The following ACSM2A variants were observed in gnomAD, a reference collection of about 807,000 sequenced individuals.
ACSM2A encodes the protein acyl-CoA synthetase medium chain family member 2A.
ACSM2A carries 72 observed loss-of-function variants against 76.6 expected under a neutral mutation model. That is an observed-to-expected ratio of 0.94 (90% CI 0.78 to 1.14). The LOEUF (loss-of-function observed/expected upper bound fraction) is 1.14, where lower values mean the gene tolerates loss of function less well. Ranked by LOEUF, ACSM2A falls within the 50% of genes most tolerant of loss-of-function variation. The pLI, the probability that ACSM2A is intolerant of heterozygous loss-of-function variation, is 0.00. For missense variants in ACSM2A, 684 were observed against 708.5 expected, an observed-to-expected ratio of 0.97 and a Z score of 0.39; for synonymous variants, 249 against 255.9, an observed-to-expected ratio of 0.97 and a Z score of 0.26.
chr16:20,469,114 G>A (rs1345036887), intron 3 of ACSM2A, among the ~76,000 whole-genome samples: 1 of 152,144 alleles, frequency 6.6e-6, no homozygotes, highest in Non-Finnish European at 1.5e-5. Context: ...AGCTATTGGT[G>A]TTTCAAGACC....
intron 8 of ACSM2A, 176 bp from the exon 9 acceptor site, chr16:20,477,193 C>G (rs1397701865): frequency 1.7e-6 from 2 of 1,210,964 alleles, no homozygotes; most frequent in East Asian, 5.4e-5. Context: ...TAGCGAAGCC[C>G]CTAGGATTGT....
At chr16:20,469,818 A>T in intron 4 of ACSM2A, 99 bp downstream of exon 4, 3 of 1,528,274 alleles carry the variant, frequency 2.0e-6, no homozygotes, top group Middle Eastern at 1.7e-4. Context: ...CAGAAAGAAC[A>T]GCATGGGACT....
In ACSM2A at chr16:20,475,439, C is replaced by G. The variant is rs1249240582; in HGVS notation, c.972C>G (p.Ser324=). 6.2e-7 allele frequency: 1 copy of G among 1,613,716 alleles called. No individual in the cohort carries two copies. Among genetic ancestry groups the G allele is most frequent in the Non-Finnish European group, 8.5e-7 (1 of 1,179,726 alleles). The stretch of plus-strand genomic sequence containing the variant: ...GGATGTTGCTACAGCAGGATCTTTC[C>G]AGGTGATGGGGCTTTGAGGATTGGT... ...VYRMLLQQDL[S]SYKFPHLQNC... is the part of the protein sequence containing the mutation. Residue 324 remains serine, a splice_region_variant and synonymous_variant, in exon 7 of 14, where the codon TCC becomes TCG. Transcript: ENST00000573854.
intron 1 of ACSM2A, among the ~76,000 whole-genome samples, chr16:20,459,017 C>G (rs1205173477): frequency 6.7e-6 from 1 of 148,602 alleles, no homozygotes; most frequent in Non-Finnish European, 1.5e-5. Flanking sequence ...GGATTGGAGA[C>G]CATCGTTCAA....
intron 1 of ACSM2A, among the ~76,000 whole-genome samples, chr16:20,454,903 A>G (rs1468118669): frequency 6.6e-6 from 1 of 151,622 alleles, no homozygotes; most frequent in East Asian, 1.9e-4. Context: ...ATTTAAGGAA[A>G]AAAAAAAATA....
At chr16:20,479,092 G>T (rs1461622307) in intron 10 of ACSM2A, among the ~76,000 whole-genome samples, 1 of 152,008 alleles carries the variant, frequency 6.6e-6, no homozygotes, top group Non-Finnish European at 1.5e-5. Context: ...CCATCTAGTT[G>T]GAGGAATCCC....
intron 2 of ACSM2A, among the ~76,000 whole-genome samples, chr16:20,462,304 G>A (rs2012670258): frequency 6.6e-6 from 1 of 152,088 alleles, no homozygotes; most frequent in Admixed American, 6.5e-5. Flanking sequence ...TTCTAATGCT[G>A]TGGAATTGCA....
chr16:20,473,244 T>C (rs934369871), intron 6 of ACSM2A, among the ~76,000 whole-genome samples: 1 of 152,144 alleles, frequency 6.6e-6, no homozygotes, highest in Non-Finnish European at 1.5e-5. Flanking sequence ...GAAATTATCT[T>C]CAAATAATAC....
At position 20,486,654 on chromosome 16, in the gene ACSM2A, G is replaced by T. The variant is rs757378811; in HGVS notation, c.1710G>T (p.Met570Ile). Reference protein sequence around the residue: ...RAKLRDKEWKMSGKARAQ With the variant: ...RAKLRDKEWKISGKARAQ ...AGCTTCGAGACAAGGAGTGGAAGAT[G>T]TCCGGAAAAGCCCGTGCGCAGTGAG... The change falls in exon 14 of 14, where the codon ATG becomes ATT. Residue 570 changes from methionine to isoleucine, a missense_variant. This residue lies in a region of ACSM2A where 159 missense variants were observed against 132.5 expected (regional missense o/e 1.20). Transcript: ENST00000573854. The T allele has an allele frequency of 2.5e-6, 4 of 1,614,196 alleles. No individual in the cohort carries two copies. The highest frequency in any genetic ancestry group is 2.5e-6 in the Non-Finnish European group (3 of 1,180,026).
chr16:20,473,569 T>G (rs1203296573), intron 6 of ACSM2A, among the ~76,000 whole-genome samples: 1 of 152,218 alleles, frequency 6.6e-6, no homozygotes, highest in African/African-American at 2.4e-5. Flanking sequence ...ACATTTGTCA[T>G]TTTTTCTAGA....
In ACSM2A at chr16:20,486,699, T is replaced by G. The variant is rs187350070; in HGVS notation, c.*21T>G. 3.1e-6 allele frequency: 5 copies of G among 1,612,960 alleles called. No individual in the cohort carries two copies. Among genetic ancestry groups the G allele is most frequent in the Non-Finnish European group, 4.2e-6 (5 of 1,178,994 alleles). The stretch of plus-strand genomic sequence containing the variant: ...AGTGAGACATCTAAGAGACATTCAT[T>G]TGGATTCCCCTCTTCTTTCTCTTTC... On this transcript the variant is annotated 3_prime_UTR_variant, in exon 14 of 14. Coordinates refer to ENST00000573854, the MANE Select transcript of ACSM2A (RefSeq NM_001308172.2).
chr16:20,473,678 G>A (rs138561837), intron 6 of ACSM2A, among the ~76,000 whole-genome samples: 14 of 152,036 alleles, frequency 9.2e-5, no homozygotes, highest in East Asian at 5.8e-4. Context: ...GCCCCATCCC[G>A]CCAGCCATCT....
intron 12 of ACSM2A, 63 bp from the exon 13 acceptor site, chr16:20,482,992 TCAC>T: frequency 6.3e-7 from 1 of 1,582,948 alleles, no homozygotes; most frequent in Non-Finnish European, 8.6e-7. Context: ...AATGCCAATT[TCAC>T]ATTATTCCAG....
chr16:20,468,303 C>T (rs984368712), intron 3 of ACSM2A, among the ~76,000 whole-genome samples: 5 of 152,328 alleles, frequency 3.3e-5, no homozygotes, highest in African/African-American at 9.6e-5. Flanking sequence ...AGCTATTTAA[C>T]AGGACAGGCA....
intron 8 of ACSM2A, 85 bp from the exon 9 acceptor site, chr16:20,477,284 G>T (rs971888106): frequency 5.8e-6 from 9 of 1,554,154 alleles, no homozygotes; most frequent in African/African-American, 5.5e-5. Context: ...GACAGTGTCA[G>T]GACCTGCTCT....
chr16:20,462,780 A>G (rs1169023416), intron 2 of ACSM2A, among the ~76,000 whole-genome samples: 1 of 152,114 alleles, frequency 6.6e-6, no homozygotes, highest in East Asian at 1.9e-4. Context: ...TTCTCAAAAA[A>G]TTAAAAAATA....
At chr16:20,462,970 C>T (rs886241436) in intron 2 of ACSM2A, among the ~76,000 whole-genome samples, 1 of 151,078 alleles carries the variant, frequency 6.6e-6, no homozygotes, top group African/African-American at 2.4e-5. Context: ...TCTCAGCAAA[C>T]TATCGCAAGG....
chr16:20,479,958 T>C (rs745598826), intron 10 of ACSM2A, among the ~76,000 whole-genome samples: 2 of 152,224 alleles, frequency 1.3e-5, no homozygotes, highest in African/African-American at 2.4e-5. Flanking sequence ...GAATCCTTTA[T>C]GCCACCATAT....
At chr16:20,478,706 T>C in intron 10 of ACSM2A, 29 bp downstream of exon 10, 1 of 1,595,282 alleles carries the variant, frequency 6.3e-7, no homozygotes, top group Non-Finnish European at 8.6e-7. Flanking sequence ...CCTCCTCTGT[T>C]CCCCAGTGAG....
Sources: allele counts gnomAD v4.1 joint callset (sites outside exome capture counted in the v4.1 genomes callset), GRCh38; gene constraint gnomAD v4.1.1; regional missense constraint gnomAD v4.1.1; transcripts MANE v1.5; gene names NCBI Gene and HGNC (gene_info 2026-07-23, HGNC 2026-07-21).